Variants in TBC1D32 observed in about 807,000 individuals in gnomAD.
The protein encoded by TBC1D32 is TBC1 domain family member 32, also known as protein broad-minded.
Under a neutral mutation model 170.3 loss-of-function variants are expected in TBC1D32, and 151 were observed. The ratio of observed to expected loss-of-function variants is 0.89; its 90% CI spans 0.78 to 1.01. The LOEUF is 1.01. Ranked by LOEUF, TBC1D32 falls within the 50% of genes least tolerant of loss-of-function variation. The pLI is 0.00. For missense variants in TBC1D32, 1,464 were observed against 1,457.1 expected (o/e 1.00, Z -0.08); for synonymous variants, 498 against 488.0 (o/e 1.02, Z -0.27).
At chr6:121,247,990 AT>A (rs1428909076) in intron 17 of TBC1D32, among the ~76,000 whole-genome samples, 5 of 152,066 alleles carry the variant, frequency 3.3e-5, no homozygotes, top group Non-Finnish European at 7.4e-5. Flanking sequence ...TTTACAAAAC[AT>A]TCTACCCAAC....
rs182462651 is a variant in TBC1D32 at position 121,282,538 on chromosome 6, T to C, written c.1466-852A>G. Among the ~76,000 whole-genome samples the C allele has an allele frequency of 2.6e-5, 4 of 151,904 alleles. No homozygotes were observed. The East Asian group carries it at 5.8e-4, about 22-fold the overall frequency. On this transcript the variant is annotated intron_variant, in intron 13 of 31. Transcript: ENST00000398212. ...AATAAACACGCTGACTTCAGGTCAA[T>C]ATCTGACAAAAAGAAAATGGAAAAG...
At chr6:121,081,395 A>G (rs1239123099) in intron 31 of TBC1D32, among the ~76,000 whole-genome samples, 1 of 152,162 alleles carries the variant, frequency 6.6e-6, no homozygotes, top group Non-Finnish European at 1.5e-5. Context: ...ACTCAAGAAT[A>G]AACAGTAAGA....
At chr6:121,272,324 T>C (rs1801565453) in intron 15 of TBC1D32, among the ~76,000 whole-genome samples, 1 of 151,998 alleles carries the variant, frequency 6.6e-6, no homozygotes, top group Non-Finnish European at 1.5e-5. Flanking sequence ...ACAGGCAACC[T>C]ACAGAAAGGG....
At chr6:121,156,385 G>C (rs905507651) in intron 24 of TBC1D32, among the ~76,000 whole-genome samples, 4 of 151,466 alleles carry the variant, frequency 2.6e-5, no homozygotes, top group Non-Finnish European at 5.9e-5. Context: ...ATTTTTGACT[G>C]TGCTTATTTG....
At chr6:121,288,396 A>C (rs1304315543) in intron 12 of TBC1D32, among the ~76,000 whole-genome samples, 1 of 152,210 alleles carries the variant, frequency 6.6e-6, no homozygotes, top group Admixed American at 6.5e-5. Flanking sequence ...TAAACTAGAA[A>C]ATCTAGAAGA....
rs545862324 is a variant in TBC1D32 at position 121,203,291 on chromosome 6, T to C, written c.2570+1784A>G. Among the ~76,000 whole-genome samples the C allele has an allele frequency of 3.3e-5, 5 of 151,514 alleles. 1 individual carries two copies. Among genetic ancestry groups the C allele is most frequent in the African/African-American group, 7.3e-5 (3 of 40,894 alleles). ...TACCTGACCTAAAGATTATTATGAA[T>C]AGAAATCTCAAAACTACATTTGTGT... On this transcript the variant is annotated intron_variant, in intron 22 of 31. Transcript: ENST00000398212.
intron 4 of TBC1D32, 122 bp from the exon 5 acceptor site, chr6:121,308,223 T>A: frequency 7.4e-6 from 7 of 950,796 alleles, no homozygotes; most frequent in Non-Finnish European, 1.1e-5. Flanking sequence ...GAATGATTTA[T>A]CAGATGCCTT....
intron 9 of TBC1D32, among the ~76,000 whole-genome samples, chr6:121,300,624 C>T (rs775902129): frequency 2.6e-4 from 40 of 152,108 alleles, no homozygotes; most frequent in Non-Finnish European, 5.3e-4. Context: ...AGGACATAGG[C>T]ATGGGCAAAG....
At chr6:121,243,553 G>C (rs1460530124) in intron 17 of TBC1D32, among the ~76,000 whole-genome samples, 1 of 151,834 alleles carries the variant, frequency 6.6e-6, no homozygotes, top group Non-Finnish European at 1.5e-5. Context: ...AATATTAGTA[G>C]AGATATTAAA....
chr6:121,285,207 C>A (rs759354747), intron 12 of TBC1D32, among the ~76,000 whole-genome samples: 1 of 152,098 alleles, frequency 6.6e-6, no homozygotes, highest in African/African-American at 2.4e-5. Flanking sequence ...TAAGAAGACT[C>A]AGAGGATTCA....
chr6:121,174,714 C>T (rs1787519523), intron 22 of TBC1D32, among the ~76,000 whole-genome samples: 1 of 152,096 alleles, frequency 6.6e-6, no homozygotes, highest in Non-Finnish European at 1.5e-5. Flanking sequence ...GACTCTAATA[C>T]ACACAGGAAT....
chr6:121,192,539 T>C (rs1790208668), intron 22 of TBC1D32: 1 of 152,180 alleles, frequency 6.6e-6, no homozygotes, highest in Non-Finnish European at 1.5e-5. Flanking sequence ...GAGTGGCTTA[T>C]TTCCTGTAGA....
At position 121,295,289 on chromosome 6, in the gene TBC1D32, CAA is replaced by C. The variant is rs60783883; in HGVS notation, c.1141-631_1141-630del. On this transcript the variant is annotated intron_variant, in intron 10 of 31. Transcript: ENST00000398212. ...CATCGATGGCCTCTTATCCTAATTC[CAA>C]AAAAAAAAAAAAAAAAGCCACCAGT... 7.0e-4 allele frequency among the ~76,000 whole-genome samples: 76 copies of C among 108,526 alleles called. 1 individual carries two copies. Among genetic ancestry groups the C allele is most frequent in the African/African-American group, 1.4e-3 (37 of 27,084 alleles). 71.2% of individuals were successfully genotyped at this position (108,526 alleles called of 152,430 possible).
At chr6:121,148,070 T>TCA (rs1783707613) in intron 24 of TBC1D32, among the ~76,000 whole-genome samples, 1 of 152,136 alleles carries the variant, frequency 6.6e-6, no homozygotes, top group Non-Finnish European at 1.5e-5. Flanking sequence ...TGTGCCATGG[T>TCA]GGTTTCCTGT....
At chr6:121,132,846 T>C (rs1250842784) in intron 24 of TBC1D32, among the ~76,000 whole-genome samples, 1 of 151,864 alleles carries the variant, frequency 6.6e-6, no homozygotes, top group African/African-American at 2.4e-5. Flanking sequence ...ATATAGTAAA[T>C]GAATAGTTAA....
At position 121,216,378 on chromosome 6, in the gene TBC1D32, C is replaced by T. The variant is rs558936274; in HGVS notation, c.2481+6858G>A. Among the ~76,000 whole-genome samples the T allele has an allele frequency of 2.5e-3, 384 of 152,204 alleles. 2 individuals are homozygous for T. Among genetic ancestry groups the T allele is most frequent in the Non-Finnish European group, 4.4e-3 (296 of 68,026 alleles). On this transcript the variant is annotated intron_variant, in intron 21 of 31. Coordinates refer to ENST00000398212, the MANE Select transcript of TBC1D32 (RefSeq NM_152730.6). Reference sequence around the variant, plus strand: ...TGTGTAAGTTAATATTTAATATACTCCCCTCTATAGGTATATTTATGTCTA... The same window carrying T: ...TGTGTAAGTTAATATTTAATATACTTCCCTCTATAGGTATATTTATGTCTA...
chr6:121,106,462 C>G (rs987761114), intron 29 of TBC1D32, among the ~76,000 whole-genome samples: 3 of 151,888 alleles, frequency 2.0e-5, no homozygotes, highest in Non-Finnish European at 1.5e-5. Context: ...ATGAGGAGGG[C>G]TGTTACATGA....
intron 17 of TBC1D32, among the ~76,000 whole-genome samples, chr6:121,247,914 G>T: frequency 6.6e-6 from 1 of 151,928 alleles, no homozygotes; most frequent in Non-Finnish European, 1.5e-5. Context: ...AGGTCATCAA[G>T]ACAGAAAGTC....
intron 1 of TBC1D32, among the ~76,000 whole-genome samples, chr6:121,324,175 T>G (rs1810145299): frequency 6.6e-6 from 1 of 152,174 alleles, no homozygotes; most frequent in African/African-American, 2.4e-5. Flanking sequence ...TCAGAAGTGT[T>G]ATAAGATATT....
Sources: gnomAD v4.1 joint callset for allele counts (sites outside exome capture counted in the v4.1 genomes callset) on GRCh38, gnomAD v4.1.1 for gene constraint, MANE v1.5 for transcripts, NCBI Gene and HGNC (gene_info 2026-07-23, HGNC 2026-07-21) for gene names.